SUGCT: variants seen among roughly 807,000 people sequenced by gnomAD.
SUGCT encodes the protein succinyl-CoA:glutarate CoA-transferase.
In SUGCT, 41 loss-of-function variants were observed where a neutral mutation model predicts 55.0. The observed-to-expected ratio is 0.74, with a 90% CI of 0.58 to 0.97. The LOEUF is 0.97. SUGCT is among the 50% of genes least tolerant of loss of function. The pLI is 0.00. For synonymous variants in SUGCT, 187 were observed against 200.4 expected (o/e 0.93, Z 0.56); for missense variants, 568 against 547.8 (o/e 1.04, Z -0.37).
intron 1 of SUGCT, among the ~76,000 whole-genome samples, chr7:40,171,462 T>A (rs982187224): frequency 2.0e-5 from 3 of 152,340 alleles, no homozygotes; most frequent in African/African-American, 7.2e-5. Flanking sequence ...CTAGGTCTGG[T>A]TGGACCTTTG....
intron 9 of SUGCT, among the ~76,000 whole-genome samples, chr7:40,352,506 C>T (rs533047141): frequency 4.6e-5 from 7 of 152,204 alleles, no homozygotes; most frequent in Non-Finnish European, 8.8e-5. Context: ...TGTTGCCTTT[C>T]TTGTATCCAT....
At chr7:40,787,599 C>G (rs1790076902) in intron 13 of SUGCT, among the ~76,000 whole-genome samples, 1 of 120,394 alleles carries the variant, frequency 8.3e-6, no homozygotes, top group Non-Finnish European at 1.6e-5. Context: ...TCTGGGATTT[C>G]TTTTTGCTTC....
chr7:40,485,758 A>T (rs778598809), intron 11 of SUGCT, among the ~76,000 whole-genome samples: 1 of 152,000 alleles, frequency 6.6e-6, no homozygotes, highest in Non-Finnish European at 1.5e-5. Flanking sequence ...TCATGAAGGG[A>T]TGTTGAGTTT....
At chr7:40,614,187 G>T (rs1273009977) in intron 12 of SUGCT, among the ~76,000 whole-genome samples, 1 of 151,138 alleles carries the variant, frequency 6.6e-6, no homozygotes, top group Non-Finnish European at 1.5e-5. Context: ...CATTTTTCTT[G>T]CTTTCCCTAA....
chr7:40,171,124 T>C (rs1784650138), intron 1 of SUGCT, among the ~76,000 whole-genome samples: 1 of 152,234 alleles, frequency 6.6e-6, no homozygotes, highest in Non-Finnish European at 1.5e-5. Context: ...CTTCTTTCCT[T>C]TGTAGGAATG....
chr7:40,908,402 G>T, the SUGCT span, among the ~76,000 whole-genome samples: 1 of 143,700 alleles, frequency 7.0e-6, no homozygotes, highest in Non-Finnish European at 1.5e-5. Context: ...AAAAAAAAAG[G>T]ACCACAAGTA....
intron 9 of SUGCT, among the ~76,000 whole-genome samples, chr7:40,389,992 A>G (rs966709529): frequency 6.6e-6 from 1 of 152,234 alleles, no homozygotes; most frequent in Non-Finnish European, 1.5e-5. Context: ...ATGCAAATCA[A>G]TAAAAGTAAT....
the SUGCT span, among the ~76,000 whole-genome samples, chr7:40,958,098 TC>T: frequency 7.2e-5 from 11 of 152,268 alleles, no homozygotes; most frequent in African/African-American, 2.2e-4. Flanking sequence ...TTAAGATTTT[TC>T]TCTTCATTTC....
At chr7:40,152,517 T>C (rs1270095439) in intron 1 of SUGCT, 1 of 213,246 alleles carries the variant, frequency 4.7e-6, no homozygotes, top group East Asian at 1.1e-4. Flanking sequence ...TGGCAAGATA[T>C]ATTTTGTCAT....
Position 40,257,731 on chromosome 7 carries a change from C to T in SUGCT, c.577-16782C>T, listed in dbSNP as rs542529718. On this transcript the variant is annotated intron_variant, in intron 7 of 13. Coordinates refer to ENST00000335693, the MANE Select transcript of SUGCT (RefSeq NM_001193313.2). ...TCTCTACAAAAATACAAAAATTAGC[C>T]GGGCATGATGGTGGATGCTTGTAAT... Among the ~76,000 whole-genome samples the T allele has an allele frequency of 5.9e-5, 9 of 151,930 alleles. No individual in the cohort carries two copies. The South Asian group carries it at 1.5e-3, about 25-fold the overall frequency.
intron 7 of SUGCT, among the ~76,000 whole-genome samples, chr7:40,243,230 T>G (rs1317031886): frequency 6.6e-6 from 1 of 151,804 alleles, no homozygotes; most frequent in African/African-American, 2.4e-5. Flanking sequence ...CAGACATATG[T>G]GATATGTGTT....
chr7:40,282,721 A>G (rs1413139969), intron 8 of SUGCT, among the ~76,000 whole-genome samples: 1 of 151,754 alleles, frequency 6.6e-6, no homozygotes, highest in Non-Finnish European at 1.5e-5. Context: ...AAATACAAAA[A>G]TTACCCGGGC....
At chr7:40,366,671 T>G (rs893110081) in intron 9 of SUGCT, among the ~76,000 whole-genome samples, 24 of 152,196 alleles carry the variant, frequency 1.6e-4, no homozygotes, top group East Asian at 5.8e-4. Flanking sequence ...AAAATGCTCA[T>G]CATCACTGGC....
intron 9 of SUGCT, among the ~76,000 whole-genome samples, chr7:40,329,465 A>T (rs1039945698): frequency 1.3e-5 from 2 of 152,136 alleles, no homozygotes; most frequent in African/African-American, 2.4e-5. Flanking sequence ...AAATAGGAAC[A>T]TTATACAGAA....
At chr7:40,221,466 T>A (rs1788019606) in intron 6 of SUGCT, among the ~76,000 whole-genome samples, 1 of 151,366 alleles carries the variant, frequency 6.6e-6, no homozygotes, top group African/African-American at 2.4e-5. Flanking sequence ...ACATTATCTA[T>A]TTTTTAATTT....
At chr7:40,758,295 G>A (rs1018895071) in intron 13 of SUGCT, among the ~76,000 whole-genome samples, 1 of 151,794 alleles carries the variant, frequency 6.6e-6, no homozygotes, top group South Asian at 2.1e-4. Flanking sequence ...TTTTTTTAAT[G>A]ATCAGTCTTT....
Position 40,556,598 on chromosome 7 carries a change from C to T in SUGCT, c.1089+60212C>T, listed in dbSNP as rs149136939. Among the ~76,000 whole-genome samples, 343 of 152,304 alleles carry T rather than the reference C, an allele frequency of 2.3e-3. 1 individual carries two copies. Among genetic ancestry groups the T allele is most frequent in the African/African-American group, 8.0e-3 (331 of 41,570 alleles). On this transcript the variant is annotated intron_variant, in intron 12 of 13. Transcript: ENST00000335693. ...GAAAAGGAGTGTAGCATAATAGGAG[C>T]GTGGACTCTGTAGCCAGACTGCCTG...
chr7:40,288,907 T>G (rs1273117829), intron 8 of SUGCT, among the ~76,000 whole-genome samples: 1 of 152,196 alleles, frequency 6.6e-6, no homozygotes, highest in African/African-American at 2.4e-5. Flanking sequence ...CAGTGGCTAT[T>G]GTAATGGCTA....
chr7:40,814,124 T>C (rs534859330), intron 13 of SUGCT, among the ~76,000 whole-genome samples: 5 of 152,192 alleles, frequency 3.3e-5, no homozygotes, highest in Admixed American at 1.3e-4. Context: ...GAGCTGCTTT[T>C]AAGATTTTTT....
Sources: gnomAD v4.1 joint callset for allele counts (sites outside exome capture counted in the v4.1 genomes callset) on GRCh38, gnomAD v4.1.1 for gene constraint, MANE v1.5 for transcripts, NCBI Gene and HGNC (gene_info 2026-07-23, HGNC 2026-07-21) for gene names.